JAKMIP1: variants seen among roughly 807,000 people sequenced by gnomAD.
JAKMIP1 encodes the protein janus kinase and microtubule interacting protein 1, also known as janus kinase and microtubule-interacting protein 1.
A neutral mutation model predicts 113.0 loss-of-function variants in JAKMIP1; 33 were observed. The ratio of observed to expected loss-of-function variants is 0.29; its 90% CI spans 0.22 to 0.39. The LOEUF is 0.39. JAKMIP1 is among the 10% of genes least tolerant of loss of function. The pLI, the probability that JAKMIP1 is intolerant of heterozygous loss-of-function variation, is 1.00. For synonymous variants in JAKMIP1, 480 were observed against 459.9 expected, an observed-to-expected ratio of 1.04 and a Z score of -0.56; for missense variants, 813 against 1,080.5, an observed-to-expected ratio of 0.75 and a Z score of 3.47.
chr4:6,134,159 T>A (rs896146240), intron 1 of JAKMIP1, among the ~76,000 whole-genome samples: 24 of 152,182 alleles, frequency 1.6e-4, no homozygotes, highest in African/African-American at 5.8e-4. Context: ...CTGATGGTTT[T>A]ATAAGTGTTT....
intron 3 of JAKMIP1, among the ~76,000 whole-genome samples, chr4:6,104,376 G>C (rs891028089): frequency 6.6e-6 from 1 of 152,154 alleles, no homozygotes; most frequent in Non-Finnish European, 1.5e-5. Flanking sequence ...TTGAGGTTTT[G>C]TTATTGAATG....
intron 1 of JAKMIP1, among the ~76,000 whole-genome samples, chr4:6,174,483 G>A (rs34001692): frequency 0.23 from 35,235 of 152,100 alleles, 4,573 homozygotes; most frequent in South Asian, 0.29. Context: ...CAGAGGTCAC[G>A]GGCCCTCAGG....
At position 6,193,707 on chromosome 4, in the gene JAKMIP1, G is replaced by A. The variant is rs1248049426; in HGVS notation, c.-148+6546C>T. 6.6e-6 allele frequency among the ~76,000 whole-genome samples: 1 copy of A among 152,180 alleles called. No homozygotes were observed. Among genetic ancestry groups the A allele is most frequent in the African/African-American group, 2.4e-5 (1 of 41,426 alleles). On this transcript the variant is annotated intron_variant, in intron 1 of 20. Coordinates refer to ENST00000409021, the MANE Select transcript of JAKMIP1 (RefSeq NM_001099433.2). The surrounding 1 kb of genome is among the most constrained non-coding windows in gnomAD (Gnocchi z 6.4). ...CCGACAACCATTCTGCAGGTTTCAA[G>A]GACAAGTCAAGGCTGGGAGCCCCCA...
rs563035472 is a variant in JAKMIP1 at position 6,129,579 on chromosome 4, G to A, written c.-147-16582C>T. ...ACCAGGATACCAAGCAGGACCCACC[G>A]TGCCCTGCCCTCATGATGCTGATGG... On this transcript the variant is annotated intron_variant, in intron 1 of 20. Transcript: ENST00000409021. The surrounding 1 kb of genome is among the most constrained non-coding windows in gnomAD (Gnocchi z 5.4). Among the ~76,000 whole-genome samples the A allele has an allele frequency of 4.3e-4, 65 of 152,232 alleles. No homozygotes were observed. The highest frequency in any genetic ancestry group is 1.3e-3 in the African/African-American group (53 of 41,536).
chr4:6,117,688 C>T (rs1243217294), intron 1 of JAKMIP1, among the ~76,000 whole-genome samples: 8 of 151,848 alleles, frequency 5.3e-5, no homozygotes, highest in Non-Finnish European at 8.8e-5. Flanking sequence ...GAGTTTATTT[C>T]ACCTCTGCAA....
intron 1 of JAKMIP1, among the ~76,000 whole-genome samples, chr4:6,114,706 A>G (rs1255139821): frequency 6.6e-6 from 1 of 152,250 alleles, no homozygotes; most frequent in Non-Finnish European, 1.5e-5. Context: ...AGAAAGGTAC[A>G]TTCTGTCTTC....
rs1444780871 is a variant in JAKMIP1 at position 6,108,354 on chromosome 4, A to C, written c.130-2387T>G. 1.3e-5 allele frequency among the ~76,000 whole-genome samples: 2 copies of C among 152,076 alleles called. No homozygotes were observed. Among genetic ancestry groups the C allele is most frequent in the African/African-American group, 2.4e-5 (1 of 41,436 alleles). On this transcript the variant is annotated intron_variant, in intron 2 of 20. Transcript: ENST00000409021. This position sits in a 1 kb window ranked among gnomAD's most constrained non-coding sequence, Gnocchi z 5.6. The stretch of plus-strand genomic sequence containing the variant: ...CTTTACCTCCAGGTGCCTCCAAGCT[A>C]CCCCAAGTGTAGAGGCACCTACACC...
intron 1 of JAKMIP1, among the ~76,000 whole-genome samples, chr4:6,118,614 G>A (rs891148572): frequency 6.6e-6 from 1 of 152,100 alleles, no homozygotes; most frequent in African/African-American, 2.4e-5. Context: ...TGGGTGCAAG[G>A]CCTTGTCTGG....
At chr4:6,091,719 A>G (rs1381799757) in intron 3 of JAKMIP1, among the ~76,000 whole-genome samples, 1 of 152,244 alleles carries the variant, frequency 6.6e-6, no homozygotes, top group East Asian at 1.9e-4. Flanking sequence ...CTGAGGACTC[A>G]GTATTGGTGT....
intron 8 of JAKMIP1, among the ~76,000 whole-genome samples, chr4:6,070,444 G>A (rs1229273337): frequency 6.6e-6 from 1 of 152,262 alleles, no homozygotes; most frequent in Non-Finnish European, 1.5e-5. Context: ...CACGCCAACC[G>A]CGGGCTGAAG....
intron 20 of JAKMIP1, among the ~76,000 whole-genome samples, 152 bp downstream of exon 20, chr4:6,029,564 C>T (rs1203626361): frequency 2.0e-5 from 3 of 152,058 alleles, no homozygotes; most frequent in African/African-American, 4.8e-5. Context: ...GAGGAACTAG[C>T]GATTTCCATG....
Position 6,140,871 on chromosome 4 carries a change from G to C in JAKMIP1, c.-147-27874C>G, listed in dbSNP as rs1720041395. Among the ~76,000 whole-genome samples the C allele has an allele frequency of 6.6e-6, 1 of 152,194 alleles. No homozygotes were observed. The highest frequency in any genetic ancestry group is 1.5e-5 in the Non-Finnish European group (1 of 68,040). ...ACTGGTTGGAGCTCATCTGTCCTCAGCACAGTGCCTGGTGTATGGTAGACA... is the reference window on the plus strand; with the variant it reads ...ACTGGTTGGAGCTCATCTGTCCTCACCACAGTGCCTGGTGTATGGTAGACA... On this transcript the variant is annotated intron_variant, in intron 1 of 20. Coordinates refer to ENST00000409021, the MANE Select transcript of JAKMIP1 (RefSeq NM_001099433.2). This position sits in a 1 kb window ranked among gnomAD's most constrained non-coding sequence, Gnocchi z 9.4.
At position 6,094,215 on chromosome 4, in the gene JAKMIP1, A is replaced by G. The variant is rs1410436693; in HGVS notation, c.625-8586T>C. On this transcript the variant is annotated intron_variant, in intron 3 of 20. Transcript: ENST00000409021. This position sits in a 1 kb window ranked among gnomAD's most constrained non-coding sequence, Gnocchi z 4.2. ...AAAGCATAAAATAAAATCTCAAACA[A>G]TCTGTGCTAGCCCTGGGTCTAGCTC... 6.6e-6 allele frequency among the ~76,000 whole-genome samples: 1 copy of G among 152,226 alleles called. No individual in the cohort carries two copies.
Position 6,053,909 on chromosome 4 carries a change from A to G in JAKMIP1, c.1806+141T>C, listed in dbSNP as rs891861718. On this transcript the variant is annotated intron_variant, in intron 13 of 20. Coordinates refer to ENST00000409021, the MANE Select transcript of JAKMIP1 (RefSeq NM_001099433.2). ...TGAACATACAGATTTAAAAAAAAAA[A>G]GAAAGAAAGAAAGAAAGAAACTATA... 4.0e-6 allele frequency: 6 copies of G among 1,510,788 alleles called. No individual in the cohort carries two copies. In the African/African-American group the frequency reaches 4.2e-5, roughly 11 times the overall value. The allele number at this position is 1,510,788 out of a possible 1,614,324, so 93.6% of individuals were successfully genotyped here. A position where few individuals can be genotyped will look rare whatever the true frequency, so the allele number is the denominator to read the frequency against.
chr4:6,042,187 T>A lies in JAKMIP1; in HGVS notation c.2069A>T (p.Gln690Leu), dbSNP rs1475631364. The change falls in exon 17 of 21, where the codon CAG (glutamine) becomes CTG (leucine). Residue 690 changes from glutamine (Q) to leucine (L), a missense_variant. Around this residue, in one of 2 missense-constraint regions of JAKMIP1, gnomAD observed 273 missense variants for 426.6 expected, o/e 0.64. Coordinates refer to ENST00000409021, the MANE Select transcript of JAKMIP1 (RefSeq NM_001099433.2). This position sits in a 1 kb window ranked among gnomAD's most constrained non-coding sequence, Gnocchi z 5.2. ...CTCCTTCTCCAGGTCCAGCATCTTC[T>A]GGGTCAGGGCGGCCTCGGTCCCCTC... Reference protein sequence around the residue: ...QIEGTEAALTQKMLDLEKEKD... With the variant: ...QIEGTEAALTLKMLDLEKEKD... 6.2e-7 allele frequency: 1 copy of A among 1,613,934 alleles called. No individual in the cohort carries two copies. Among genetic ancestry groups the A allele is most frequent in the East Asian group, 2.2e-5 (1 of 44,882 alleles).
intron 1 of JAKMIP1, among the ~76,000 whole-genome samples, chr4:6,149,415 G>A (rs894625927): frequency 5.3e-5 from 8 of 152,102 alleles, no homozygotes; most frequent in African/African-American, 1.9e-4. Context: ...GCCATCTGTC[G>A]TAGGAGAAAC....
chr4:6,107,656 T>C (rs568078775), intron 2 of JAKMIP1, among the ~76,000 whole-genome samples: 30 of 152,186 alleles, frequency 2.0e-4, no homozygotes, highest in African/African-American at 5.3e-4. Context: ...TGCCTGAATC[T>C]CCAGCCTGCT....
At chr4:6,173,773 C>T (rs970958612) in intron 1 of JAKMIP1, among the ~76,000 whole-genome samples, 3 of 152,174 alleles carry the variant, frequency 2.0e-5, no homozygotes, top group African/African-American at 4.8e-5. Flanking sequence ...AAGAAAAGGA[C>T]GTTTATAAAA....
intron 8 of JAKMIP1, among the ~76,000 whole-genome samples, chr4:6,066,658 C>T (rs1043843165): frequency 1.3e-5 from 2 of 150,290 alleles, no homozygotes; most frequent in Non-Finnish European, 2.9e-5. Context: ...GTCTTCTCCA[C>T]CTCTCATGCC....
Sources: gnomAD v4.1 joint callset for allele counts (sites outside exome capture counted in the v4.1 genomes callset) on GRCh38, gnomAD v4.1.1 for gene constraint, gnomAD v4.1.1 regional missense constraint, Gnocchi (gnomAD v3.1) non-coding constraint, MANE v1.5 for transcripts, NCBI Gene and HGNC (gene_info 2026-07-23, HGNC 2026-07-21) for gene names.